GAREM1: variants seen among roughly 807,000 people sequenced by gnomAD.
GAREM1 encodes the protein GRB2-associated and regulator of MAPK protein 1.
GAREM1 carries 26 observed loss-of-function variants against 71.3 expected under a neutral mutation model. The ratio of observed to expected loss-of-function variants is 0.36; its 90% CI spans 0.27 to 0.51. The LOEUF (loss-of-function observed/expected upper bound fraction) is 0.51, where lower values mean the gene tolerates loss of function less well. GAREM1 is among the 20% of genes least tolerant of loss of function. The pLI is 0.95. For missense variants in GAREM1, 1,026 were observed against 1,103.1 expected, an observed-to-expected ratio of 0.93 and a Z score of 0.99; for synonymous variants, 440 against 433.2, an observed-to-expected ratio of 1.02 and a Z score of -0.20.
chr18:32,441,906 C>T (rs1274017947), intron 1 of GAREM1, among the ~76,000 whole-genome samples: 1 of 152,182 alleles, frequency 6.6e-6, no homozygotes, highest in African/African-American at 2.4e-5. Context: ...CGTAACAGAA[C>T]TTGAAGCAAT....
chr18:32,354,575 C>G (rs903016037), intron 2 of GAREM1, among the ~76,000 whole-genome samples: 1 of 152,174 alleles, frequency 6.6e-6, no homozygotes, highest in Admixed American at 6.5e-5. Context: ...CTACAATCCC[C>G]CTCTCTAAAA....
intron 1 of GAREM1, among the ~76,000 whole-genome samples, chr18:32,463,502 T>A (rs187086809): frequency 7.2e-4 from 109 of 151,904 alleles, no homozygotes; most frequent in African/African-American, 2.6e-3. Flanking sequence ...TCAGAATAGG[T>A]CAAAACTGGA....
intron 2 of GAREM1, among the ~76,000 whole-genome samples, chr18:32,315,081 C>G (rs916780190): frequency 6.6e-6 from 1 of 152,018 alleles, no homozygotes; most frequent in Admixed American, 6.6e-5. Flanking sequence ...GTATGCCAAA[C>G]ACTCATTGAG....
intron 2 of GAREM1, among the ~76,000 whole-genome samples, chr18:32,360,867 G>A (rs569238448): frequency 2.2e-4 from 34 of 152,088 alleles, no homozygotes; most frequent in African/African-American, 8.0e-4. Flanking sequence ...TTTGTTTTGG[G>A]AGAGAACAAG....
chr18:32,338,666 C>T (rs2047620114), intron 2 of GAREM1, among the ~76,000 whole-genome samples: 1 of 152,144 alleles, frequency 6.6e-6, no homozygotes, highest in African/African-American at 2.4e-5. Context: ...CATTTAAGCT[C>T]GAGATAATCA....
At chr18:32,384,187 C>G (rs892737919) in intron 2 of GAREM1, among the ~76,000 whole-genome samples, 1 of 152,174 alleles carries the variant, frequency 6.6e-6, no homozygotes, top group African/African-American at 2.4e-5. Context: ...TGGGAGCAAT[C>G]AGGTTTCCAT....
At chr18:32,353,967 T>C (rs1392980530) in intron 2 of GAREM1, among the ~76,000 whole-genome samples, 1 of 152,116 alleles carries the variant, frequency 6.6e-6, no homozygotes, top group Non-Finnish European at 1.5e-5. Flanking sequence ...AAATAGATGA[T>C]TACAAATAAA....
intron 2 of GAREM1, among the ~76,000 whole-genome samples, chr18:32,345,052 A>G (rs1369048168): frequency 1.3e-5 from 2 of 152,198 alleles, no homozygotes; most frequent in Non-Finnish European, 2.9e-5. Context: ...AAAGAGCAAG[A>G]CTCAGTCTCG....
chr18:32,382,419 T>C (rs1169383923), intron 2 of GAREM1, among the ~76,000 whole-genome samples: 2 of 151,950 alleles, frequency 1.3e-5, no homozygotes, highest in East Asian at 3.9e-4. Context: ...CTATGAGGTG[T>C]GAGCCCTCCA....
intron 1 of GAREM1, among the ~76,000 whole-genome samples, chr18:32,431,832 T>G (rs117670561): frequency 1.1e-4 from 16 of 151,888 alleles, no homozygotes; most frequent in African/African-American, 3.4e-4. Context: ...CAACTACCTA[T>G]AGAAAAAAAT....
chr18:32,430,792 G>C (rs1389604895), intron 1 of GAREM1, among the ~76,000 whole-genome samples: 1 of 152,226 alleles, frequency 6.6e-6, no homozygotes, highest in Non-Finnish European at 1.5e-5. Flanking sequence ...GTGGTTCCAA[G>C]AGTATGGGGC....
At chr18:32,345,933 C>G (rs571627927) in intron 2 of GAREM1, among the ~76,000 whole-genome samples, 60 of 152,182 alleles carry the variant, frequency 3.9e-4, no homozygotes, top group Non-Finnish European at 6.5e-4. Flanking sequence ...AACTTTTTAT[C>G]ATTAACTATC....
intron 2 of GAREM1, among the ~76,000 whole-genome samples, chr18:32,362,027 T>C (rs756393160): frequency 5.5e-4 from 83 of 152,276 alleles, no homozygotes; most frequent in Admixed American, 1.1e-3. Flanking sequence ...CCACCTCCAA[T>C]AGCAACTAAA....
intron 1 of GAREM1, among the ~76,000 whole-genome samples, chr18:32,463,132 C>G (rs2048967522): frequency 6.6e-6 from 1 of 151,942 alleles, no homozygotes; most frequent in Non-Finnish European, 1.5e-5. Context: ...TGCTAATTAG[C>G]CTGATTTGAT....
At chr18:32,406,771 AG>A (rs1457433283) in intron 1 of GAREM1, among the ~76,000 whole-genome samples, 2 of 152,206 alleles carry the variant, frequency 1.3e-5, no homozygotes, top group African/African-American at 2.4e-5. Context: ...AAATTTCTTC[AG>A]TGGGAAAAGA....
rs36093913 is a variant in GAREM1, at chr18:32,288,009, C to T, written c.588G>A (p.Pro196=). 1,047 of 1,614,114 alleles carry T rather than the reference C, an allele frequency of 6.5e-4. 9 individuals carry two copies. The African/African-American group carries it at 0.011, about 17-fold the overall frequency. Residue 196 remains proline, a synonymous_variant, in exon 4 of 6, where the codon CCG becomes CCA. Coordinates refer to ENST00000269209, the MANE Select transcript of GAREM1 (RefSeq NM_001242409.2). ...SISKLGKGKM[P]CLICMNHRTN... is the part of the protein sequence containing the mutation. ...TCCGGTGATTCATACAAATGAGGCA[C>T]GGCATTTTGCCTTTTCCCAGCTTGC...
At chr18:32,385,832 C>T (rs1413174051) in intron 2 of GAREM1, among the ~76,000 whole-genome samples, 1 of 152,146 alleles carries the variant, frequency 6.6e-6, no homozygotes, top group Non-Finnish European at 1.5e-5. Flanking sequence ...CTCTAAACCT[C>T]AGCTTGTACT....
intron 2 of GAREM1, among the ~76,000 whole-genome samples, chr18:32,380,476 A>T (rs919407254): frequency 5.6e-5 from 8 of 142,312 alleles, no homozygotes; most frequent in Non-Finnish European, 1.2e-4. Flanking sequence ...ACTTCATTTA[A>T]AAAAAAAAAA....
chr18:32,464,964 C>A (rs1405011331), intron 1 of GAREM1, among the ~76,000 whole-genome samples: 1 of 152,164 alleles, frequency 6.6e-6, no homozygotes, highest in African/African-American at 2.4e-5. Flanking sequence ...AAACAATTTA[C>A]TGAATGAAGA....
Sources: gnomAD v4.1 joint callset for allele counts (sites outside exome capture counted in the v4.1 genomes callset) on GRCh38, gnomAD v4.1.1 for gene constraint, MANE v1.5 for transcripts, NCBI Gene and HGNC (gene_info 2026-07-23, HGNC 2026-07-21) for gene names.